The following GRIN1 variants were observed in gnomAD, a reference collection of about 807,000 sequenced individuals.
GRIN1 encodes glutamate receptor ionotropic, NMDA 1.
In GRIN1, 38 loss-of-function variants were observed where a neutral mutation model predicts 103.0. The observed-to-expected ratio is 0.37, with a 90% CI of 0.28 to 0.48. The LOEUF (loss-of-function observed/expected upper bound fraction) is 0.48. Ranked by LOEUF, GRIN1 falls within the 20% of genes least tolerant of loss-of-function variation. The pLI is 0.98. For missense variants in GRIN1, 577 were observed against 1,288.9 expected (o/e 0.45, Z 8.46); for synonymous variants, 544 against 532.7 (o/e 1.02, Z -0.29).
chr9:137,163,162 C>A lies in GRIN1; in HGVS notation c.2172-7C>A. On this transcript the variant is annotated splice_polypyrimidine_tract_variant and splice_region_variant and intron_variant, in intron 15 of 19. Transcript: ENST00000371561. Reference sequence around the variant, plus strand: ...CAAGGCCCCCGTGACTCCGCCTCTGCCGGCAGCAAGCTGCATGCCTTCATC... The same window carrying A: ...CAAGGCCCCCGTGACTCCGCCTCTGACGGCAGCAAGCTGCATGCCTTCATC... 6.2e-7 allele frequency: 1 copy of A among 1,612,622 alleles called. No homozygotes were observed.
intron 10 of GRIN1, 103 bp downstream of exon 10, chr9:137,161,519 T>C: frequency 8.1e-5 from 50 of 619,202 alleles, no homozygotes; most frequent in Non-Finnish European, 1.1e-4. Context: ...TGGTGGGGGG[T>C]CCTGGGGTGA....
chr9:137,166,993 C>T (rs1172553669), intron 19 of GRIN1, among the ~76,000 whole-genome samples: 2 of 152,176 alleles, frequency 1.3e-5, no homozygotes, highest in Non-Finnish European at 2.9e-5. Context: ...CTGCCTGGAG[C>T]GAGGCCAGGT....
intron 3 of GRIN1, chr9:137,148,268 C>T (rs562334634): frequency 8.0e-6 from 10 of 1,251,734 alleles, no homozygotes; most frequent in Middle Eastern, 1.8e-4. Flanking sequence ...CTGGCCTCGG[C>T]GCCTCGGCCA....
intron 4 of GRIN1, among the ~76,000 whole-genome samples, chr9:137,153,921 C>A (rs1374001012): frequency 6.6e-6 from 1 of 152,036 alleles, no homozygotes; most frequent in African/African-American, 2.4e-5. Context: ...AAGCGATTCT[C>A]CTGCCTCAGC....
At chr9:137,162,552 G>A (rs770826785) in intron 13 of GRIN1, 36 bp downstream of exon 13, 1 of 1,610,650 alleles carries the variant, frequency 6.2e-7, no homozygotes, top group Non-Finnish European at 8.5e-7. Flanking sequence ...TCCCGCCTCG[G>A]CCCTCTAGGG....
Position 137,163,545 on chromosome 9 carries a change from G to T in GRIN1, c.2334-14G>T, listed in dbSNP as rs962555739. ...GCCCCGCCTCACTGCAGGCTCACTT[G>T]TTCCCACCGCCAGGTCCCACGAGAA... On this transcript the variant is annotated splice_polypyrimidine_tract_variant and intron_variant, in intron 16 of 19. Transcript: ENST00000371561. 1 of 1,582,166 alleles carries T rather than the reference G, an allele frequency of 6.3e-7. No individual in the cohort carries two copies. The highest frequency in any genetic ancestry group is 8.7e-7 in the Non-Finnish European group (1 of 1,151,660).
At position 137,166,994 on chromosome 9, in the gene GRIN1, G is replaced by A. The variant is rs7853409; in HGVS notation, c.2701-417G>A. On this transcript the variant is annotated intron_variant, in intron 19 of 19. Transcript: ENST00000371561. ...TGGGTCCCAGGGCCCTGCCTGGAGCGAGGCCAGGTGCAGCTCAGAGACCCT... is the reference window on the plus strand; with the variant it reads ...TGGGTCCCAGGGCCCTGCCTGGAGCAAGGCCAGGTGCAGCTCAGAGACCCT... Among the ~76,000 whole-genome samples, 1,216 of 152,318 alleles carry A rather than the reference G, an allele frequency of 8.0e-3. 18 individuals carry two copies. Among genetic ancestry groups the A allele is most frequent in the African/African-American group, 0.028 (1,154 of 41,566 alleles).
In GRIN1 at chr9:137,143,502, G is replaced by A. The variant is rs181175210; in HGVS notation, c.393+1355G>A. 3.3e-5 allele frequency among the ~76,000 whole-genome samples: 5 copies of A among 152,360 alleles called. No homozygotes were observed. In the East Asian group the frequency reaches 9.6e-4, roughly 29 times the overall value. On this transcript the variant is annotated intron_variant, in intron 2 of 19. Coordinates refer to ENST00000371561, the MANE Select transcript of GRIN1 (RefSeq NM_007327.4). Reference sequence around the variant, plus strand: ...GAAGGAGAGAAGATGGCCTTACCCAGGAAAGCAGCCAGTGGTCAAATGAAA... The same window carrying A: ...GAAGGAGAGAAGATGGCCTTACCCAAGAAAGCAGCCAGTGGTCAAATGAAA...
At position 137,151,583 on chromosome 9, in the gene GRIN1, C is replaced by G. The variant is rs1159086250; in HGVS notation, c.671+2474C>G. ...ACGTGCCACCCAGGGAAAGCCCCAC[C>G]CAGTGAAAGCCCCTACCAGAAAAAG... On this transcript the variant is annotated intron_variant, in intron 4 of 19. Transcript: ENST00000371561. Among the ~76,000 whole-genome samples, 3 of 151,938 alleles carry G rather than the reference C, an allele frequency of 2.0e-5. No homozygotes were observed. The East Asian group carries it at 5.8e-4, about 29-fold the overall frequency.
At chr9:137,155,170 T>C (rs547643979) in intron 4 of GRIN1, among the ~76,000 whole-genome samples, 22 of 152,394 alleles carry the variant, frequency 1.4e-4, no homozygotes, top group Non-Finnish European at 2.5e-4. Context: ...TACAACTGTT[T>C]TGCTCCTAAT....
At chr9:137,151,872 G>A (rs534352217) in intron 4 of GRIN1, among the ~76,000 whole-genome samples, 95 of 144,952 alleles carry the variant, frequency 6.6e-4, no homozygotes, top group African/African-American at 2.3e-3. Context: ...CACCATGTTG[G>A]CCAGACTGGT....
intron 3 of GRIN1, among the ~76,000 whole-genome samples, chr9:137,147,933 G>A (rs553727103): frequency 1.3e-5 from 2 of 152,096 alleles, no homozygotes; most frequent in Non-Finnish European, 2.9e-5. Context: ...GCACAGCTTC[G>A]TGGCAGGGAG....
chr9:137,161,132 C>T lies in GRIN1; in HGVS notation c.1274C>T (p.Thr425Ile). 6.2e-7 allele frequency: 1 copy of T among 1,612,768 alleles called. No homozygotes were observed. Among genetic ancestry groups the T allele is most frequent in the South Asian group, 1.1e-5 (1 of 91,078 alleles). The change falls in exon 9 of 20, where the codon ACA (threonine) becomes ATA (isoleucine). Residue 425 changes from threonine (T) to isoleucine (I), a missense_variant. This residue lies in a region of GRIN1 where 96 missense variants were observed against 145.0 expected (regional missense o/e 0.66). Coordinates refer to ENST00000371561, the MANE Select transcript of GRIN1 (RefSeq NM_007327.4). ...LSDGTCKEEFTVNGDPVKKVI... is the reference protein window; with the variant it reads ...LSDGTCKEEFIVNGDPVKKVI... ...GATGGGACATGCAAGGAGGAGTTCA[C>T]AGTCAACGGCGACCCAGTCAAGAAG...
chr9:137,149,963 C>T (rs1251881116), intron 4 of GRIN1, among the ~76,000 whole-genome samples: 2 of 152,316 alleles, frequency 1.3e-5, no homozygotes, highest in Non-Finnish European at 2.9e-5. Context: ...CCCTCTAGCA[C>T]GGAGACAGAT....
In GRIN1 at chr9:137,158,528, G is replaced by A. The variant is rs1833359535; in HGVS notation, c.1113+5G>A. ...GGCATCTACAATGGCACCCACGTAG[G>A]TGGGGGTCATGAGGGGGTGGGGGCT... On this transcript the variant is annotated splice_donor_5th_base_variant and intron_variant, in intron 7 of 19. Transcript: ENST00000371561. 6.2e-7 allele frequency: 1 copy of A among 1,612,472 alleles called. No homozygotes were observed. The highest frequency in any genetic ancestry group is 1.7e-5 in the Admixed American group (1 of 60,002).
Position 137,167,906 on chromosome 9 carries a change from C to G in GRIN1, c.*379C>G. 1 of 1,470,350 alleles carries G rather than the reference C, an allele frequency of 6.8e-7. No homozygotes were observed. 91.1% of individuals were successfully genotyped at this position (1,470,350 alleles called of 1,614,324 possible). ...AAGGACACTGATGGGTCCTGCTGCT[C>G]GGGAAGGCCTGAGGGAAGCCCACCC... On this transcript the variant is annotated 3_prime_UTR_variant, in exon 20 of 20. Transcript: ENST00000371561.
chr9:137,151,359 GA>G (rs906031085), intron 4 of GRIN1, among the ~76,000 whole-genome samples: 8 of 131,358 alleles, frequency 6.1e-5, no homozygotes, highest in South Asian at 2.7e-4. Flanking sequence ...GCCCCGCCCA[GA>G]AAAAAAGCCC....
At chr9:137,156,824 G>A in intron 5 of GRIN1, 34 bp downstream of exon 5, 3 of 1,605,192 alleles carry the variant, frequency 1.9e-6, no homozygotes, top group Non-Finnish European at 2.6e-6. Context: ...TCCCCGAACG[G>A]GGAGGACCCC....
Position 137,142,158 on chromosome 9 carries a change from C to T in GRIN1, c.393+11C>T. 1 of 1,613,822 alleles carries T rather than the reference C, an allele frequency of 6.2e-7. No homozygotes were observed. The highest frequency in any genetic ancestry group is 8.5e-7 in the Non-Finnish European group (1 of 1,179,976). ...ATCTACTCGGACAAGGTAAGCCTGACTGCCAGACCAGGCCTTCCGGCCCTC... is the reference window on the plus strand; with the variant it reads ...ATCTACTCGGACAAGGTAAGCCTGATTGCCAGACCAGGCCTTCCGGCCCTC... On this transcript the variant is annotated intron_variant, in intron 2 of 19. Transcript: ENST00000371561.
Sources: gnomAD v4.1 joint callset for allele counts (sites outside exome capture counted in the v4.1 genomes callset) on GRCh38, gnomAD v4.1.1 for gene constraint, gnomAD v4.1.1 regional missense constraint, MANE v1.5 for transcripts, NCBI Gene and HGNC (gene_info 2026-07-23, HGNC 2026-07-21) for gene names.